FHIT: variants seen among roughly 807,000 people sequenced by gnomAD.
FHIT encodes fragile histidine triad diadenosine triphosphatase.
In FHIT, 19 loss-of-function variants were observed where a neutral mutation model predicts 17.9. That is an observed-to-expected ratio of 1.06 (90% CI 0.74 to 1.56). The LOEUF is 1.56. Among genes scored for constraint, FHIT ranks in the 40% most tolerant of loss-of-function variants. FHIT has a pLI of 0.00. For missense variants in FHIT, 248 were observed against 189.2 expected (o/e 1.31, Z -1.82); for synonymous variants, 81 against 69.7 (o/e 1.16, Z -0.81).
At chr3:59,848,261 T>C (rs1328967260) in intron 8 of FHIT, among the ~76,000 whole-genome samples, 1 of 152,164 alleles carries the variant, frequency 6.6e-6, no homozygotes, top group East Asian at 1.9e-4. Flanking sequence ...CCCCTTTCCC[T>C]GGAATATTCA....
At chr3:60,576,452 T>C (rs1553657634) in intron 4 of FHIT, among the ~76,000 whole-genome samples, 2 of 152,066 alleles carry the variant, frequency 1.3e-5, no homozygotes, top group African/African-American at 4.8e-5. Context: ...TTCTTTAGGA[T>C]TCAATAACAC....
chr3:60,998,762 T>C (rs1248538486), intron 3 of FHIT, among the ~76,000 whole-genome samples: 1 of 152,162 alleles, frequency 6.6e-6, no homozygotes, highest in East Asian at 1.9e-4. Context: ...ATTCAATTTA[T>C]TGGTGTCTTT....
chr3:60,482,054 C>G (rs1295434354), intron 5 of FHIT, among the ~76,000 whole-genome samples: 1 of 152,016 alleles, frequency 6.6e-6, no homozygotes, highest in Non-Finnish European at 1.5e-5. Context: ...AACTTTAAAC[C>G]AACAAAGATC....
At chr3:60,958,410 G>C (rs1553779589) in intron 3 of FHIT, among the ~76,000 whole-genome samples, 1 of 152,126 alleles carries the variant, frequency 6.6e-6, no homozygotes, top group Non-Finnish European at 1.5e-5. Flanking sequence ...ACTGAGAACT[G>C]TTTAGCAAGA....
intron 5 of FHIT, among the ~76,000 whole-genome samples, chr3:60,096,061 C>T (rs1431145504): frequency 6.6e-6 from 1 of 152,182 alleles, no homozygotes; most frequent in Non-Finnish European, 1.5e-5. Context: ...AAGCCAGGGA[C>T]CTCTGGCCAG....
At chr3:60,242,392 A>G (rs1705175573) in intron 5 of FHIT, among the ~76,000 whole-genome samples, 1 of 152,110 alleles carries the variant, frequency 6.6e-6, no homozygotes, top group Admixed American at 6.6e-5. Context: ...TAACATGTTC[A>G]CAAAACCCAT....
chr3:60,154,617 T>A (rs1349197092), intron 5 of FHIT, among the ~76,000 whole-genome samples: 6 of 152,190 alleles, frequency 3.9e-5, no homozygotes, highest in Non-Finnish European at 7.3e-5. Context: ...CTGTGATGCC[T>A]CATTAATGCA....
chr3:60,931,220 G>C (rs967811645), intron 3 of FHIT, among the ~76,000 whole-genome samples: 9 of 151,920 alleles, frequency 5.9e-5, no homozygotes, highest in East Asian at 1.9e-4. Context: ...GTTGTGGGGT[G>C]GGGGGAGTGG....
intron 7 of FHIT, among the ~76,000 whole-genome samples, chr3:59,970,423 TAC>T (rs1268270776): frequency 6.6e-6 from 1 of 152,144 alleles, no homozygotes; most frequent in Non-Finnish European, 1.5e-5. Context: ...GGGTGTTGCT[TAC>T]TATTGTCAGT....
intron 7 of FHIT, among the ~76,000 whole-genome samples, chr3:59,949,541 C>T (rs1458033607): frequency 1.3e-5 from 2 of 152,212 alleles, no homozygotes. Context: ...GATATGTATC[C>T]TAAGCATTTA....
At chr3:60,474,036 GA>G (rs1477669093) in intron 5 of FHIT, among the ~76,000 whole-genome samples, 1 of 151,942 alleles carries the variant, frequency 6.6e-6, no homozygotes, top group Non-Finnish European at 1.5e-5. Flanking sequence ...CTCAGAACTA[GA>G]AAAAAAGACA....
At chr3:59,975,952 G>A (rs973235713) in intron 7 of FHIT, among the ~76,000 whole-genome samples, 1 of 152,060 alleles carries the variant, frequency 6.6e-6, no homozygotes, top group South Asian at 2.1e-4. Context: ...CCCTGTACTA[G>A]AATGCTCCCA....
chr3:61,169,868 G>C lies in FHIT; in HGVS notation c.-164+30749C>G, dbSNP rs144418035. On this transcript the variant is annotated intron_variant, in intron 2 of 9. Transcript: ENST00000492590. Reference sequence around the variant, plus strand: ...TAGCCAGTGTTAGAGCAGATAAGGGGTTCAGTGGGTAGAAAACTACTAAGA... The same window carrying C: ...TAGCCAGTGTTAGAGCAGATAAGGGCTTCAGTGGGTAGAAAACTACTAAGA... Among the ~76,000 whole-genome samples, 15 of 152,260 alleles carry C rather than the reference G, an allele frequency of 9.9e-5. No individual in the cohort carries two copies. In the East Asian group the frequency reaches 2.9e-3, roughly 29 times the overall value.
At chr3:60,475,277 G>C (rs566541320) in intron 5 of FHIT, among the ~76,000 whole-genome samples, 7 of 152,246 alleles carry the variant, frequency 4.6e-5, no homozygotes, top group African/African-American at 1.4e-4. Flanking sequence ...GGTTAGGGGA[G>C]TTAAGTAACT....
chr3:61,044,575 G>A (rs984021037), intron 2 of FHIT, among the ~76,000 whole-genome samples: 6 of 152,148 alleles, frequency 3.9e-5, no homozygotes, highest in Non-Finnish European at 8.8e-5. Flanking sequence ...TATTATCCAG[G>A]AGAACTTCCC....
rs370957640 is a variant in FHIT, at chr3:59,931,669, A to T, written c.280-9255T>A. The stretch of plus-strand genomic sequence containing the variant: ...CTTCGAGGAAAAAAATAAAATAAAA[A>T]AAAATTCAGTTTAAACAAAAAAAAT... On this transcript the variant is annotated intron_variant, in intron 7 of 9. Transcript: ENST00000492590. 9.2e-5 allele frequency among the ~76,000 whole-genome samples: 14 copies of T among 152,322 alleles called. No homozygotes were observed. In the East Asian group the frequency reaches 2.3e-3, roughly 25 times the overall value.
intron 7 of FHIT, among the ~76,000 whole-genome samples, chr3:59,966,635 T>G (rs1707938927): frequency 6.6e-6 from 1 of 152,174 alleles, no homozygotes; most frequent in Non-Finnish European, 1.5e-5. Context: ...TTCATGTATC[T>G]AAATAAATAT....
At chr3:60,924,531 G>C (rs569055096) in intron 3 of FHIT, among the ~76,000 whole-genome samples, 6 of 152,024 alleles carry the variant, frequency 3.9e-5, no homozygotes, top group African/African-American at 1.5e-4. Context: ...CAAACAGAAA[G>C]GACATCCACA....
chr3:61,221,560 A>C (rs1560090671), intron 1 of FHIT, among the ~76,000 whole-genome samples: 1 of 152,198 alleles, frequency 6.6e-6, no homozygotes, highest in African/African-American at 2.4e-5. Context: ...TCTACACTGG[A>C]TACTTTTCAA....
Sources: allele counts gnomAD v4.1 joint callset (sites outside exome capture counted in the v4.1 genomes callset), GRCh38; gene constraint gnomAD v4.1.1; transcripts MANE v1.5; gene names NCBI Gene and HGNC (gene_info 2026-07-23, HGNC 2026-07-21).